Variants in VAV3 observed in about 807,000 individuals in gnomAD.
The protein encoded by VAV3 is guanine nucleotide exchange factor VAV3.
VAV3 carries 94 observed loss-of-function variants against 131.2 expected under a neutral mutation model. The ratio of observed to expected loss-of-function variants is 0.72; its 90% CI spans 0.61 to 0.85. The LOEUF (loss-of-function observed/expected upper bound fraction) is 0.85, where lower values mean the gene tolerates loss of function less well. Ranked by LOEUF, VAV3 falls within the 40% of genes least tolerant of loss-of-function variation. VAV3 has a pLI of 0.00. For missense variants in VAV3, 939 were observed against 1,002.7 expected, an observed-to-expected ratio of 0.94 and a Z score of 0.86; for synonymous variants, 349 against 342.0, an observed-to-expected ratio of 1.02 and a Z score of -0.22.
At chr1:107,686,255 T>C (rs192711114) in intron 18 of VAV3, among the ~76,000 whole-genome samples, 2 of 152,232 alleles carry the variant, frequency 1.3e-5, no homozygotes, top group East Asian at 3.9e-4. Flanking sequence ...GGTATGGTTA[T>C]GGACGCCCCA....
intron 2 of VAV3, among the ~76,000 whole-genome samples, chr1:107,860,352 TGTA>T (rs1172546681): frequency 5.3e-5 from 8 of 151,958 alleles, no homozygotes; most frequent in African/African-American, 1.9e-4. Flanking sequence ...GAGCGGTGAT[TGTA>T]GTAGTTTTCT....
chr1:107,926,617 G>A (rs1034611046), intron 1 of VAV3, among the ~76,000 whole-genome samples: 1 of 151,806 alleles, frequency 6.6e-6, no homozygotes, highest in African/African-American at 2.4e-5. Flanking sequence ...TAGAGAGAGA[G>A]AATCTGTGCA....
Position 107,574,996 on chromosome 1 carries a change from TGCGTGCGCGCGCGCGCGCGCACAC to T in VAV3, c.2351-822_2351-799del, listed in dbSNP as rs1422373100. 8.2e-3 allele frequency among the ~76,000 whole-genome samples: 403 copies of T among 49,142 alleles called. 4 individuals carry two copies. The highest frequency in any genetic ancestry group is 0.027 in the African/African-American group (394 of 14,526). The allele number at this position is 49,142 out of a possible 152,430, so 32.2% of individuals were successfully genotyped here. A position where few individuals can be genotyped will look rare whatever the true frequency, so the allele number is the denominator to read the frequency against. ...GTGTGTGTGTGTGTGTGTGTGTGCG[TGCGTGCGCGCGCGCGCGCGCACAC>T]GCGCGCGTGTTTAATATTCGATGGC... On this transcript the variant is annotated intron_variant, in intron 25 of 26. Coordinates refer to ENST00000370056, the MANE Select transcript of VAV3 (RefSeq NM_006113.5).
chr1:107,769,679 T>C (rs1430998114), intron 6 of VAV3, among the ~76,000 whole-genome samples: 1 of 152,212 alleles, frequency 6.6e-6, no homozygotes, highest in Non-Finnish European at 1.5e-5. Flanking sequence ...CAAAGTCTAA[T>C]AGGTATCACA....
chr1:107,941,347 G>C (rs1221561714), intron 1 of VAV3, among the ~76,000 whole-genome samples: 1 of 151,934 alleles, frequency 6.6e-6, no homozygotes, highest in African/African-American at 2.4e-5. Flanking sequence ...TTTTAGTCTT[G>C]GGCAACAGCA....
chr1:107,683,823 C>G (rs1658827353), intron 18 of VAV3, among the ~76,000 whole-genome samples: 1 of 152,098 alleles, frequency 6.6e-6, no homozygotes, highest in African/African-American at 2.4e-5. Flanking sequence ...TTTGTTAAGT[C>G]ATAGTGACGA....
At chr1:107,608,853 T>C (rs1357678798) in intron 22 of VAV3, among the ~76,000 whole-genome samples, 3 of 152,264 alleles carry the variant, frequency 2.0e-5, no homozygotes, top group Non-Finnish European at 2.9e-5. Flanking sequence ...CAGGATATTA[T>C]ATTTATATAT....
chr1:107,809,177 C>G (rs866465602), intron 2 of VAV3, among the ~76,000 whole-genome samples: 1 of 152,080 alleles, frequency 6.6e-6, no homozygotes, highest in South Asian at 2.1e-4. Flanking sequence ...TAAGCAAAGC[C>G]TCATCATTTC....
At chr1:107,682,340 ACT>A (rs1395377814) in intron 19 of VAV3, among the ~76,000 whole-genome samples, 1 of 152,178 alleles carries the variant, frequency 6.6e-6, no homozygotes, top group African/African-American at 2.4e-5. Flanking sequence ...CAATACTATA[ACT>A]CACACAAAAT....
At chr1:107,934,875 T>C (rs1197901256) in intron 1 of VAV3, among the ~76,000 whole-genome samples, 3 of 152,174 alleles carry the variant, frequency 2.0e-5, no homozygotes, top group Non-Finnish European at 4.4e-5. Flanking sequence ...GCGAGGCAAA[T>C]GAGAGGAGAC....
chr1:107,768,782 C>T (rs966452104), intron 6 of VAV3, among the ~76,000 whole-genome samples: 1 of 152,060 alleles, frequency 6.6e-6, no homozygotes, highest in Non-Finnish European at 1.5e-5. Context: ...AAGAAAAGAA[C>T]ATTATTGTCT....
At chr1:107,579,509 CCTTT>C (rs1450371299) in intron 25 of VAV3, among the ~76,000 whole-genome samples, 8 of 152,274 alleles carry the variant, frequency 5.3e-5, no homozygotes, top group East Asian at 1.9e-4. Context: ...CTCCTTGTCG[CCTTT>C]CTAAGTAAAG....
chr1:107,729,697 G>A (rs892537050), intron 15 of VAV3, among the ~76,000 whole-genome samples: 8 of 152,126 alleles, frequency 5.3e-5, no homozygotes, highest in African/African-American at 1.7e-4. Flanking sequence ...TATTTAACAA[G>A]ATGAGCATCC....
intron 1 of VAV3, among the ~76,000 whole-genome samples, chr1:107,959,267 AAATAAATT>A (rs58611707): frequency 0.11 from 16,810 of 151,432 alleles, 1,740 homozygotes; most frequent in African/African-American, 0.28. Context: ...TCTAAAAAAT[AAATAAATT>A]AATTAATTAA....
chr1:107,916,780 G>A (rs1672640591), intron 1 of VAV3, among the ~76,000 whole-genome samples: 1 of 152,110 alleles, frequency 6.6e-6, no homozygotes, highest in South Asian at 2.1e-4. Flanking sequence ...GGCAGTGAGT[G>A]AATGAATGAA....
intron 1 of VAV3, among the ~76,000 whole-genome samples, chr1:107,926,493 C>T (rs1190982963): frequency 2.0e-5 from 3 of 152,164 alleles, no homozygotes; most frequent in Admixed American, 6.5e-5. Context: ...CAAGTGAGCA[C>T]TCACAGTACC....
At chr1:107,650,526 T>C (rs1656077856) in intron 19 of VAV3, among the ~76,000 whole-genome samples, 1 of 150,670 alleles carries the variant, frequency 6.6e-6, no homozygotes, top group Non-Finnish European at 1.5e-5. Context: ...GGAGCCTTTT[T>C]TTTTAAATTT....
At chr1:107,627,797 T>C (rs772472339) in intron 20 of VAV3, among the ~76,000 whole-genome samples, 1 of 152,194 alleles carries the variant, frequency 6.6e-6, no homozygotes, top group Non-Finnish European at 1.5e-5. Context: ...AATACTTTAA[T>C]GGTCTTTCAA....
intron 1 of VAV3, among the ~76,000 whole-genome samples, chr1:107,877,052 C>T (rs908932483): frequency 3.3e-5 from 5 of 151,984 alleles, no homozygotes; most frequent in African/African-American, 9.7e-5. Context: ...TTACCCTTCA[C>T]GGGAATCATT....
Sources: allele counts gnomAD v4.1 joint callset (sites outside exome capture counted in the v4.1 genomes callset), GRCh38; gene constraint gnomAD v4.1.1; transcripts MANE v1.5; gene names NCBI Gene and HGNC (gene_info 2026-07-23, HGNC 2026-07-21).